GSK3B: variants seen among roughly 807,000 people sequenced by gnomAD.
GSK3B encodes glycogen synthase kinase 3 beta.
In GSK3B, 15 loss-of-function variants were observed where a neutral mutation model predicts 56.4. The observed-to-expected ratio is 0.27, with a 90% CI of 0.18 to 0.41. The LOEUF (loss-of-function observed/expected upper bound fraction) is 0.41. GSK3B is among the 10% of genes least tolerant of loss of function. The pLI, the probability that GSK3B is intolerant of heterozygous loss-of-function variation, is 1.00. For synonymous variants in GSK3B, 181 were observed against 188.9 expected, an observed-to-expected ratio of 0.96 and a Z score of 0.34; for missense variants, 300 against 513.4, an observed-to-expected ratio of 0.58 and a Z score of 4.02.
At chr3:120,020,871 A>C (rs1415180279) in intron 1 of GSK3B, among the ~76,000 whole-genome samples, 1 of 152,242 alleles carries the variant, frequency 6.6e-6, no homozygotes, top group Non-Finnish European at 1.5e-5. Flanking sequence ...CTACTCCAGT[A>C]AACAGATGAA....
At chr3:120,080,329 G>A (rs536887613) in intron 1 of GSK3B, among the ~76,000 whole-genome samples, 47 of 143,876 alleles carry the variant, frequency 3.3e-4, no homozygotes, top group Non-Finnish European at 5.8e-4. Context: ...GAAGGAAGAC[G>A]AAGGAAGAAG....
At position 119,823,407 on chromosome 3, in the gene GSK3B, A is replaced by G. The variant is rs559019438; in HGVS notation, c.*3381T>C. 2 of 200,204 alleles carry G rather than the reference A, an allele frequency of 1.0e-5. No individual in the cohort carries two copies. Among genetic ancestry groups the G allele is most frequent in the South Asian group, 1.9e-4 (1 of 5,226 alleles). 12.4% of individuals were successfully genotyped at this position (200,204 alleles called of 1,614,324 possible). On this transcript the variant is annotated 3_prime_UTR_variant, in exon 11 of 11. Coordinates refer to ENST00000264235, the MANE Select transcript of GSK3B (RefSeq NM_001146156.2). Reference sequence around the variant, plus strand: ...TGCAGTAACTGCTAGTAATTGCACTATAGCATTTTAGACCACTGACGTATC... The same window carrying G: ...TGCAGTAACTGCTAGTAATTGCACTGTAGCATTTTAGACCACTGACGTATC...
chr3:119,892,461 G>T (rs1186931970), intron 7 of GSK3B, among the ~76,000 whole-genome samples: 1 of 152,154 alleles, frequency 6.6e-6, no homozygotes, highest in African/African-American at 2.4e-5. Flanking sequence ...GCTCTCCTAA[G>T]AAGGCTTTCC....
intron 1 of GSK3B, among the ~76,000 whole-genome samples, chr3:120,041,874 G>A (rs1350734140): frequency 6.6e-6 from 1 of 152,190 alleles, no homozygotes; most frequent in Non-Finnish European, 1.5e-5. Context: ...TAATTGGTCT[G>A]CCCAAACTTG....
rs1018936206 is a variant in GSK3B, at chr3:119,826,920, C to A, written c.1196-65G>T. 23 of 998,692 alleles carry A rather than the reference C, an allele frequency of 2.3e-5. No individual in the cohort carries two copies. The Middle Eastern group carries it at 6.2e-4, about 27-fold the overall frequency. The allele number at this position is 998,692 out of a possible 1,614,324, so 61.9% of individuals were successfully genotyped here. A position where few individuals can be genotyped will look rare whatever the true frequency, so the allele number is the denominator to read the frequency against. The stretch of plus-strand genomic sequence containing the variant: ...CTATAACAACAAAAGAGAACAAGTA[C>A]ACTGTTTCAACTGCAGGCTGTGAAC... On this transcript the variant is annotated intron_variant, in intron 10 of 10. Coordinates refer to ENST00000264235, the MANE Select transcript of GSK3B (RefSeq NM_001146156.2).
At chr3:120,049,532 G>C (rs944318797) in intron 1 of GSK3B, among the ~76,000 whole-genome samples, 2 of 152,208 alleles carry the variant, frequency 1.3e-5, no homozygotes, top group Admixed American at 1.3e-4. Flanking sequence ...ATTTAAGGCA[G>C]AGGTAAAAGC....
At chr3:119,870,608 T>C (rs749579775) in intron 8 of GSK3B, among the ~76,000 whole-genome samples, 2 of 152,076 alleles carry the variant, frequency 1.3e-5, no homozygotes, top group Non-Finnish European at 2.9e-5. Context: ...TAAAAATATA[T>C]AGCCAGTAGA....
At chr3:119,839,719 T>G (rs750330629) in intron 10 of GSK3B, among the ~76,000 whole-genome samples, 36 of 152,198 alleles carry the variant, frequency 2.4e-4, no homozygotes, top group African/African-American at 8.0e-4. Context: ...ATTTAAGTAT[T>G]ATTTTGCTTC....
chr3:120,004,663 T>C (rs1020950799), intron 1 of GSK3B, among the ~76,000 whole-genome samples: 5 of 152,090 alleles, frequency 3.3e-5, no homozygotes, highest in East Asian at 1.9e-4. Context: ...CAAACTCCAA[T>C]AGACCTGCAG....
At chr3:119,928,625 A>T (rs1165879202) in intron 3 of GSK3B, among the ~76,000 whole-genome samples, 4 of 150,372 alleles carry the variant, frequency 2.7e-5, no homozygotes, top group African/African-American at 7.3e-5. Flanking sequence ...AAAAAAAAAA[A>T]AAAAAAAAAA....
At chr3:120,013,790 T>C (rs1166809193) in intron 1 of GSK3B, among the ~76,000 whole-genome samples, 2 of 151,880 alleles carry the variant, frequency 1.3e-5, no homozygotes, top group Non-Finnish European at 2.9e-5. Context: ...GAGGAAACTC[T>C]GGCCACTGTA....
intron 2 of GSK3B, among the ~76,000 whole-genome samples, chr3:119,956,180 G>T (rs766974361): frequency 6.6e-6 from 1 of 152,148 alleles, no homozygotes; most frequent in African/African-American, 2.4e-5. Context: ...CTATGAACAC[G>T]GTACAGTTCA....
intron 4 of GSK3B, among the ~76,000 whole-genome samples, chr3:119,921,186 T>C (rs1003242019): frequency 6.6e-6 from 1 of 152,226 alleles, no homozygotes; most frequent in East Asian, 1.9e-4. Flanking sequence ...TGGAATAGAC[T>C]ATTATAAATT....
chr3:119,935,149 C>T (rs942298876), intron 3 of GSK3B, among the ~76,000 whole-genome samples: 23 of 152,078 alleles, frequency 1.5e-4, no homozygotes, highest in African/African-American at 5.1e-4. Flanking sequence ...CTAGGTCATA[C>T]TCCATTGAAA....
chr3:119,893,168 C>A (rs113004494), intron 7 of GSK3B, among the ~76,000 whole-genome samples: 1,839 of 151,990 alleles, frequency 0.012, 33 homozygotes, highest in African/African-American at 0.042. Context: ...CCACCACACC[C>A]AGCTAATTTT....
rs766185959 is a variant in GSK3B at position 119,946,746 on chromosome 3, T to C, written c.366+522A>G. On this transcript the variant is annotated intron_variant, in intron 3 of 10. Coordinates refer to ENST00000264235, the MANE Select transcript of GSK3B (RefSeq NM_001146156.2). ...TCCTTTGGTTTCGCAGAATTCAATG[T>C]GGTCAGACATAGGGATCACTTAAAG... is the stretch of plus-strand genomic sequence containing the variant. Among the ~76,000 whole-genome samples the C allele has an allele frequency of 4.9e-4, 75 of 152,224 alleles. 1 individual carries two copies. Among genetic ancestry groups the C allele is most frequent in the Non-Finnish European group, 8.8e-4 (60 of 68,022 alleles).
intron 7 of GSK3B, among the ~76,000 whole-genome samples, chr3:119,891,348 T>C (rs1305665233): frequency 6.6e-6 from 1 of 152,042 alleles, no homozygotes; most frequent in Non-Finnish European, 1.5e-5. Flanking sequence ...TCAGAACGCA[T>C]GACTATCTTT....
chr3:120,046,901 G>A (rs928346905), intron 1 of GSK3B, among the ~76,000 whole-genome samples: 1 of 152,088 alleles, frequency 6.6e-6, no homozygotes, highest in Non-Finnish European at 1.5e-5. Flanking sequence ...GTGAGCCACC[G>A]CTCCCAGCCT....
At chr3:120,014,597 G>A (rs985040397) in intron 1 of GSK3B, among the ~76,000 whole-genome samples, 2 of 152,094 alleles carry the variant, frequency 1.3e-5, no homozygotes, top group Admixed American at 6.5e-5. Context: ...TCAACAGCAG[G>A]ATAAAAATTC....
Sources: allele counts gnomAD v4.1 joint callset (sites outside exome capture counted in the v4.1 genomes callset), GRCh38; gene constraint gnomAD v4.1.1; transcripts MANE v1.5; gene names NCBI Gene and HGNC (gene_info 2026-07-23, HGNC 2026-07-21).